Variants in EXOC4 observed in about 807,000 individuals in gnomAD.
The protein encoded by EXOC4 is SEC8-like 1.
Under a neutral mutation model 107.2 loss-of-function variants are expected in EXOC4, and 71 were observed. The observed-to-expected ratio is 0.66, with a 90% CI of 0.55 to 0.81. The LOEUF (loss-of-function observed/expected upper bound fraction) is 0.81. EXOC4 is among the 30% of genes least tolerant of loss of function. The pLI, the probability that EXOC4 is intolerant of heterozygous loss-of-function variation, is 0.00. For missense variants in EXOC4, 1,108 were observed against 1,189.6 expected, an observed-to-expected ratio of 0.93 and a Z score of 1.01; for synonymous variants, 456 against 441.2, an observed-to-expected ratio of 1.03 and a Z score of -0.42.
intron 12 of EXOC4, among the ~76,000 whole-genome samples, chr7:133,912,304 T>C (rs1007179710): frequency 1.6e-4 from 24 of 152,190 alleles, no homozygotes; most frequent in Non-Finnish European, 2.2e-4. Flanking sequence ...GACTTTCCAA[T>C]AATAGGCCAC....
In EXOC4 at chr7:133,634,118, G is replaced by A. The variant is rs534685368; in HGVS notation, c.1514+3977G>A. Among the ~76,000 whole-genome samples the A allele has an allele frequency of 8.5e-5, 13 of 152,212 alleles. 1 individual carries two copies. The South Asian group carries it at 1.2e-3, about 15-fold the overall frequency. ...GCTGGTTTATATATTCTCAGCAGTC[G>A]TTTTTACTCTCCTTTCATAAAATTA... On this transcript the variant is annotated intron_variant, in intron 10 of 17. Transcript: ENST00000253861.
chr7:133,540,515 CAATTGCTA>C (rs1010500018), intron 9 of EXOC4, among the ~76,000 whole-genome samples: 3 of 152,136 alleles, frequency 2.0e-5, no homozygotes, highest in African/African-American at 4.8e-5. Flanking sequence ...TTTTTATAAC[CAATTGCTA>C]AATTGCTAAG....
rs573549132 is a variant in EXOC4, at chr7:133,394,978, T to G, written c.1182+19976T>G. 1.4e-4 allele frequency among the ~76,000 whole-genome samples: 22 copies of G among 151,998 alleles called. No homozygotes were observed. The South Asian group carries it at 4.4e-3, about 30-fold the overall frequency. ...ATTAAAATTGCTGTATTTGAGTCAG[T>G]TTATGGTAGTAAATTACTTCTGAGA... On this transcript the variant is annotated intron_variant, in intron 7 of 17. Coordinates refer to ENST00000253861, the MANE Select transcript of EXOC4 (RefSeq NM_021807.4).
intron 3 of EXOC4, among the ~76,000 whole-genome samples, chr7:133,304,358 G>A (rs1320597322): frequency 1.3e-5 from 2 of 152,170 alleles, no homozygotes; most frequent in Non-Finnish European, 2.9e-5. Flanking sequence ...TGGAATTGCT[G>A]GCAGCTTGCT....
chr7:133,319,864 G>C (rs1390909100), intron 5 of EXOC4, among the ~76,000 whole-genome samples: 1 of 112,382 alleles, frequency 8.9e-6, no homozygotes, highest in East Asian at 2.4e-4. Context: ...TTTTTTGTGC[G>C]TGACCAAAAA....
chr7:133,927,891 A>G (rs562495528), intron 13 of EXOC4, among the ~76,000 whole-genome samples: 316 of 152,288 alleles, frequency 2.1e-3, no homozygotes, highest in Non-Finnish European at 3.4e-3. Context: ...ATTAATGTTC[A>G]AGATGATTGA....
rs772774793 is a variant in EXOC4 at position 133,480,137 on chromosome 7, A to G, written c.1416A>G (p.Gln472=). ...TCTATAGTCGGAGTGGAGAACTGCA[A>G]GGTGAGTGATTGAGCTTCTCTGGAA... is the stretch of plus-strand genomic sequence containing the variant. ...RELYSRSGEL[Q]GGPDDNLIEG... Residue 472 remains glutamine, a splice_region_variant and synonymous_variant, in exon 9 of 18, where the codon CAA becomes CAG. Transcript: ENST00000253861. 1.2e-6 allele frequency: 2 copies of G among 1,613,802 alleles called. No individual in the cohort carries two copies. The highest frequency in any genetic ancestry group is 1.7e-6 in the Non-Finnish European group (2 of 1,179,744).
downstream of EXOC4, among the ~76,000 whole-genome samples, chr7:134,067,289 G>C (rs978878894): frequency 1.3e-5 from 2 of 152,050 alleles, no homozygotes; most frequent in African/African-American, 2.4e-5. Context: ...TGCATCACTA[G>C]TCACTGTGCC....
intron 7 of EXOC4, among the ~76,000 whole-genome samples, chr7:133,443,724 C>T (rs1053894354): frequency 1.3e-5 from 2 of 152,104 alleles, no homozygotes; most frequent in Non-Finnish European, 2.9e-5. Context: ...GAATTAGTTA[C>T]AGTATCTAAG....
chr7:133,613,552 C>T (rs780214028), intron 9 of EXOC4, among the ~76,000 whole-genome samples: 8 of 151,604 alleles, frequency 5.3e-5, no homozygotes, highest in Non-Finnish European at 1.0e-4. Flanking sequence ...TACAAAGCAC[C>T]GTTAGTCACA....
chr7:133,373,793 C>G (rs997803016), intron 6 of EXOC4, among the ~76,000 whole-genome samples: 2 of 152,130 alleles, frequency 1.3e-5, no homozygotes, highest in Non-Finnish European at 2.9e-5. Flanking sequence ...ATTCATTCAG[C>G]AGTATTTGCT....
At chr7:133,458,573 A>T (rs1458680672) in intron 7 of EXOC4, among the ~76,000 whole-genome samples, 1 of 152,106 alleles carries the variant, frequency 6.6e-6, no homozygotes, top group Non-Finnish European at 1.5e-5. Context: ...GTGGAGAGCA[A>T]TTAAGATCTC....
intron 7 of EXOC4, among the ~76,000 whole-genome samples, chr7:133,407,265 G>A (rs1797242836): frequency 6.6e-6 from 1 of 152,020 alleles, no homozygotes; most frequent in African/African-American, 2.4e-5. Flanking sequence ...CTCTTAATGT[G>A]TTTCCTCTTA....
chr7:133,799,919 A>G (rs886322565), intron 10 of EXOC4, among the ~76,000 whole-genome samples: 1 of 152,212 alleles, frequency 6.6e-6, no homozygotes, highest in Non-Finnish European at 1.5e-5. Context: ...TTTAAAGGAA[A>G]TAATGCACAC....
At chr7:134,053,360 C>T (rs10249912) in intron 17 of EXOC4, among the ~76,000 whole-genome samples, 27,149 of 151,910 alleles carry the variant, frequency 0.18, 2,840 homozygotes, top group African/African-American at 0.28. Context: ...CTAGCCACTG[C>T]TCTTAATCAT....
chr7:133,774,627 T>C (rs1796308743), intron 10 of EXOC4, among the ~76,000 whole-genome samples: 1 of 152,102 alleles, frequency 6.6e-6, no homozygotes. Context: ...AACAGCAGTT[T>C]AAACAATCTA....
At chr7:134,060,063 CA>C (rs1185686701) in intron 17 of EXOC4, among the ~76,000 whole-genome samples, 1 of 152,016 alleles carries the variant, frequency 6.6e-6, no homozygotes, top group African/African-American at 2.4e-5. Flanking sequence ...GTTGATAAAG[CA>C]AACATGAGGA....
chr7:133,879,926 A>G (rs1798929923), intron 11 of EXOC4, among the ~76,000 whole-genome samples: 1 of 152,082 alleles, frequency 6.6e-6, no homozygotes, highest in South Asian at 2.1e-4. Flanking sequence ...CAGGCCTTCC[A>G]CAAGCTGGCA....
chr7:133,575,279 T>C (rs1801104679), intron 9 of EXOC4, among the ~76,000 whole-genome samples: 1 of 152,234 alleles, frequency 6.6e-6, no homozygotes. Context: ...ATATACTGTA[T>C]ACTTCAGCAC....
Sources: gnomAD v4.1 joint callset for allele counts (sites outside exome capture counted in the v4.1 genomes callset) on GRCh38, gnomAD v4.1.1 for gene constraint, MANE v1.5 for transcripts, NCBI Gene and HGNC (gene_info 2026-07-23, HGNC 2026-07-21) for gene names.